The following SGTB variants were observed in gnomAD, a reference collection of about 807,000 sequenced individuals.
The protein encoded by SGTB is small glutamine-rich tetratricopeptide repeat-containing protein beta.
A neutral mutation model predicts 43.9 loss-of-function variants in SGTB; 19 were observed. The ratio of observed to expected loss-of-function variants is 0.43; its 90% confidence interval spans 0.30 to 0.63. The LOEUF is 0.63. Ranked by LOEUF, SGTB falls within the 30% of genes least tolerant of loss-of-function variation. The pLI, the probability that SGTB is intolerant of heterozygous loss-of-function variation, is 0.12. For missense variants in SGTB, 304 were observed against 358.9 expected (o/e 0.85, Z 1.24); for synonymous variants, 116 against 117.3 (o/e 0.99, Z 0.07).
intron 5 of SGTB, among the ~76,000 whole-genome samples, chr5:65,696,934 T>G (rs769602631): frequency 6.6e-6 from 1 of 152,194 alleles, no homozygotes; most frequent in African/African-American, 2.4e-5. Context: ...GTCAGTTCTA[T>G]AAAAAGTAAA....
At chr5:65,704,809 A>T (rs1757898034) in intron 4 of SGTB, among the ~76,000 whole-genome samples, 1 of 152,174 alleles carries the variant, frequency 6.6e-6, no homozygotes. Flanking sequence ...GTTAAAACAC[A>T]CATCTGCTGA....
intron 3 of SGTB, among the ~76,000 whole-genome samples, chr5:65,709,004 G>A (rs1757990954): frequency 6.6e-6 from 1 of 151,166 alleles, no homozygotes; most frequent in Admixed American, 6.6e-5. Context: ...TCATGGCACT[G>A]TACTCCAGCC....
At chr5:65,699,322 G>A (rs1441758099) in intron 5 of SGTB, among the ~76,000 whole-genome samples, 1 of 152,176 alleles carries the variant, frequency 6.6e-6, no homozygotes, top group Non-Finnish European at 1.5e-5. Flanking sequence ...CTTATAAGTA[G>A]GAGCTAAGCT....
intron 5 of SGTB, among the ~76,000 whole-genome samples, chr5:65,695,802 G>C (rs563430801): frequency 2.0e-5 from 3 of 152,272 alleles, no homozygotes; most frequent in East Asian, 1.9e-4. Flanking sequence ...AACAAATGTT[G>C]CAAGTCTAGG....
At chr5:65,719,380 AG>A (rs568862647) in intron 2 of SGTB, among the ~76,000 whole-genome samples, 94 of 152,278 alleles carry the variant, frequency 6.2e-4, no homozygotes, top group Non-Finnish European at 1.1e-3. Flanking sequence ...ACTTGAGCCC[AG>A]GAGTTTGAGA....
At chr5:65,683,291 C>G (rs1670704829) in intron 6 of SGTB, among the ~76,000 whole-genome samples, 1 of 152,160 alleles carries the variant, frequency 6.6e-6, no homozygotes, top group Non-Finnish European at 1.5e-5. Flanking sequence ...TCACCTTATT[C>G]ACCCTCAGTT....
chr5:65,695,688 C>T (rs141872861), intron 5 of SGTB, among the ~76,000 whole-genome samples: 9 of 152,088 alleles, frequency 5.9e-5, no homozygotes, highest in Non-Finnish European at 1.0e-4. Flanking sequence ...TACAGAGAGA[C>T]GGAAAAAAAT....
intron 1 of SGTB, among the ~76,000 whole-genome samples, chr5:65,721,082 G>A (rs1182018736): frequency 6.6e-6 from 1 of 152,182 alleles, no homozygotes; most frequent in Non-Finnish European, 1.5e-5. Flanking sequence ...AAGTAAAAAT[G>A]TCTTCAAAAC....
chr5:65,681,166 C>T (rs1757389488), intron 6 of SGTB, among the ~76,000 whole-genome samples: 1 of 152,128 alleles, frequency 6.6e-6, no homozygotes, highest in African/African-American at 2.4e-5. Flanking sequence ...ATGATGCTAA[C>T]ACCATTTTTA....
At chr5:65,705,802 A>G (rs1757921835) in intron 4 of SGTB, among the ~76,000 whole-genome samples, 1 of 151,032 alleles carries the variant, frequency 6.6e-6, no homozygotes, top group Admixed American at 6.6e-5. Context: ...GCAAGGCAGG[A>G]GTATGGCTTG....
At chr5:65,706,917 TA>T (rs889621954) in intron 4 of SGTB, among the ~76,000 whole-genome samples, 1 of 152,046 alleles carries the variant, frequency 6.6e-6, no homozygotes, top group African/African-American at 2.4e-5. Context: ...TCTGTCTAGG[TA>T]AGTAAGACAT....
At chr5:65,680,883 T>C in intron 6 of SGTB, 89 bp from the exon 7 acceptor site, 2 of 1,364,686 alleles carry the variant, frequency 1.5e-6, no homozygotes, top group Non-Finnish European at 1.0e-6. Flanking sequence ...TCTGTCTTGG[T>C]ATTCAGTTCT....
chr5:65,670,258 T>G lies in SGTB; in HGVS notation c.903A>C (p.Glu301Asp). The G allele has an allele frequency of 1.2e-6, 2 of 1,614,108 alleles. No homozygotes were observed. Among genetic ancestry groups the G allele is most frequent in the Non-Finnish European group, 1.7e-6 (2 of 1,179,948 alleles). ...IRSRSFSSSA[E>D]EHS is the part of the protein sequence containing the mutation. Reference sequence around the variant, plus strand: ...GCCCCTGGTTAAATCAGGAATGCTCTTCAGCGCTGCTGCTGAATGATCTGC... The same window carrying G: ...GCCCCTGGTTAAATCAGGAATGCTCGTCAGCGCTGCTGCTGAATGATCTGC... Residue 301 changes from glutamate (E) to aspartate (D), a missense_variant, in exon 11 of 11, where the codon GAA becomes GAC. By Grantham distance (45) the Glu-to-Asp change is conservative. Transcript: ENST00000381007.
At position 65,681,709 on chromosome 5, in the gene SGTB, C is replaced by T. The variant is rs376988979; in HGVS notation, c.480-915G>A. Among the ~76,000 whole-genome samples the T allele has an allele frequency of 5.3e-4, 80 of 152,194 alleles. 1 individual carries two copies. In the South Asian group the frequency reaches 0.013, roughly 26 times the overall value. ...GATCCTGGCTGGGCGCAGTGGCCCACGTCTCTAATCCCAGCAGCACTTTGG... is the reference window on the plus strand; with the variant it reads ...GATCCTGGCTGGGCGCAGTGGCCCATGTCTCTAATCCCAGCAGCACTTTGG... On this transcript the variant is annotated intron_variant, in intron 6 of 10. Coordinates refer to ENST00000381007, the MANE Select transcript of SGTB (RefSeq NM_019072.3).
intron 3 of SGTB, among the ~76,000 whole-genome samples, chr5:65,711,543 C>A (rs563497548): frequency 1.3e-5 from 2 of 152,292 alleles, no homozygotes; most frequent in East Asian, 3.9e-4. Flanking sequence ...GCCACAGGCC[C>A]AGACAATGAA....
chr5:65,704,733 C>G (rs1554025781), intron 4 of SGTB, among the ~76,000 whole-genome samples: 1 of 152,158 alleles, frequency 6.6e-6, no homozygotes, highest in Non-Finnish European at 1.5e-5. Flanking sequence ...TGCCCCAGCC[C>G]GTTCCAGATG....
chr5:65,673,719 G>GACCTCAGCTCACTGCA (rs1757207364), intron 8 of SGTB, among the ~76,000 whole-genome samples: 2 of 150,796 alleles, frequency 1.3e-5, no homozygotes, highest in South Asian at 4.2e-4. Context: ...GCAATGGCAT[G>GACCTCAGCTCACTGCA]ACCTCAGCTC....
rs569976287 is a variant in SGTB at position 65,718,098 on chromosome 5, G to A, written c.100+2610C>T. On this transcript the variant is annotated intron_variant, in intron 2 of 10. Transcript: ENST00000381007. ...TTGGAAAGACAGGCAATAGTGGTCA[G>A]GAAGTGAAATGTTTGGGATAGAGAT... Among the ~76,000 whole-genome samples, 74 of 152,288 alleles carry A rather than the reference G, an allele frequency of 4.9e-4. 1 individual carries two copies. The highest frequency in any genetic ancestry group is 1.8e-3 in the African/African-American group (73 of 41,554).
chr5:65,670,100 A>C lies in SGTB; in HGVS notation c.*146T>G, dbSNP rs979628710. The C allele has an allele frequency of 3.9e-5, 24 of 612,756 alleles. No homozygotes were observed. Among genetic ancestry groups the C allele is most frequent in the Non-Finnish European group, 5.0e-5 (18 of 357,282 alleles). The allele number at this position is 612,756 out of a possible 1,614,324, so 38.0% of individuals were successfully genotyped here. On this transcript the variant is annotated 3_prime_UTR_variant, in exon 11 of 11. Coordinates refer to ENST00000381007, the MANE Select transcript of SGTB (RefSeq NM_019072.3). ...GTCTAAACAGATTTATTCTTTAAGA[A>C]TATACACAAGAGGTTTTCCTCCATT...
Sources: allele counts gnomAD v4.1 joint callset (sites outside exome capture counted in the v4.1 genomes callset), GRCh38; gene constraint gnomAD v4.1.1; transcripts MANE v1.5; gene names NCBI Gene and HGNC (gene_info 2026-07-23, HGNC 2026-07-21).